RSU1: variants seen among roughly 807,000 people sequenced by gnomAD.
The protein encoded by RSU1 is Ras suppressor protein 1.
Under a neutral mutation model 31.1 loss-of-function variants are expected in RSU1, and 26 were observed. The observed-to-expected ratio is 0.84, with a 90% CI of 0.61 to 1.16. The LOEUF is 1.16. Among genes scored for constraint, RSU1 ranks in the 50% most tolerant of loss-of-function variants. RSU1 has a pLI of 0.00. For missense variants in RSU1, 320 were observed against 339.1 expected, an observed-to-expected ratio of 0.94 and a Z score of 0.44; for synonymous variants, 164 against 136.3, an observed-to-expected ratio of 1.20 and a Z score of -1.41.
chr10:16,759,347 A>C (rs1048152744), intron 4 of RSU1, among the ~76,000 whole-genome samples: 8 of 151,534 alleles, frequency 5.3e-5, no homozygotes, highest in South Asian at 2.1e-4. Flanking sequence ...CAAAAAAAAA[A>C]CCTACAAAAA....
chr10:16,677,386 C>T (rs1479121212), intron 8 of RSU1, among the ~76,000 whole-genome samples: 1 of 152,106 alleles, frequency 6.6e-6, no homozygotes, highest in Non-Finnish European at 1.5e-5. Context: ...ATTCTCTCTC[C>T]TTAGTGTAAT....
chr10:16,662,723 C>T (rs1834910033), intron 8 of RSU1, among the ~76,000 whole-genome samples: 1 of 152,114 alleles, frequency 6.6e-6, no homozygotes, highest in South Asian at 2.1e-4. Flanking sequence ...TTCCAAACTT[C>T]AACTGGTTAG....
At chr10:16,809,203 G>C (rs1838347888) in intron 2 of RSU1, among the ~76,000 whole-genome samples, 1 of 152,162 alleles carries the variant, frequency 6.6e-6, no homozygotes, top group South Asian at 2.1e-4. Context: ...GCTCAATGGG[G>C]ACACTGCAAA....
Position 16,603,567 on chromosome 10 carries a change from G to A in RSU1, c.732-10071C>T, listed in dbSNP as rs114320013. Among the ~76,000 whole-genome samples, 198 of 152,316 alleles carry A rather than the reference G, an allele frequency of 1.3e-3. 2 individuals are homozygous for A. The highest frequency in any genetic ancestry group is 4.6e-3 in the African/African-American group (193 of 41,582). ...AAGGAGCTTTCACAGAATACAGGCAGAGAAAAATCAATAACTGCACCTTGC... is the reference window on the plus strand; with the variant it reads ...AAGGAGCTTTCACAGAATACAGGCAAAGAAAAATCAATAACTGCACCTTGC... On this transcript the variant is annotated intron_variant, in intron 8 of 8. Transcript: ENST00000345264.
At chr10:16,715,791 T>G (rs1047559447) in intron 7 of RSU1, among the ~76,000 whole-genome samples, 1 of 152,232 alleles carries the variant, frequency 6.6e-6, no homozygotes, top group Non-Finnish European at 1.5e-5. Context: ...TGAGGTCTGT[T>G]GCAATTCCAT....
intron 8 of RSU1, among the ~76,000 whole-genome samples, chr10:16,594,000 C>T (rs1021630021): frequency 2.0e-5 from 3 of 152,214 alleles, no homozygotes; most frequent in Non-Finnish European, 4.4e-5. Context: ...TAATAAGTAC[C>T]GCTGATTAAA....
intron 7 of RSU1, among the ~76,000 whole-genome samples, chr10:16,723,415 AATTATACAC>A (rs1375015155): frequency 6.6e-6 from 1 of 152,186 alleles, no homozygotes; most frequent in Non-Finnish European, 1.5e-5. Context: ...GTTGGCACCA[AATTATACAC>A]ATTATACACA....
intron 7 of RSU1, among the ~76,000 whole-genome samples, chr10:16,736,567 A>T (rs901761638): frequency 2.4e-4 from 37 of 152,190 alleles, no homozygotes; most frequent in Non-Finnish European, 4.4e-4. Flanking sequence ...ATAAAAAAAG[A>T]CAAAAAGAAT....
chr10:16,678,361 C>T (rs1000835379), intron 8 of RSU1, among the ~76,000 whole-genome samples: 12 of 152,216 alleles, frequency 7.9e-5, no homozygotes, highest in African/African-American at 2.9e-4. Flanking sequence ...TTTCACAATG[C>T]TTCAGCCAAG....
intron 8 of RSU1, among the ~76,000 whole-genome samples, chr10:16,604,581 G>A (rs892036074): frequency 1.3e-5 from 2 of 152,108 alleles, no homozygotes; most frequent in African/African-American, 4.8e-5. Context: ...CTCCTTAGGG[G>A]CTTCTGTTTC....
intron 7 of RSU1, among the ~76,000 whole-genome samples, chr10:16,718,915 A>G (rs868525130): frequency 1.0e-4 from 15 of 148,616 alleles, no homozygotes; most frequent in Non-Finnish European, 1.6e-4. Context: ...CTGGAGGTGG[A>G]GGTTGAAGTG....
intron 8 of RSU1, among the ~76,000 whole-genome samples, chr10:16,636,471 C>T (rs1432343030): frequency 6.6e-6 from 1 of 152,238 alleles, no homozygotes. Context: ...CTGTGGTTGG[C>T]ACTCTGGGCC....
intron 8 of RSU1, among the ~76,000 whole-genome samples, chr10:16,609,955 T>C (rs1833866532): frequency 1.3e-5 from 2 of 152,220 alleles, no homozygotes; most frequent in African/African-American, 4.8e-5. Flanking sequence ...GCCATGAATG[T>C]AGCTTTAAAT....
chr10:16,601,905 G>T (rs2131458560), intron 8 of RSU1, among the ~76,000 whole-genome samples: 1 of 152,294 alleles, frequency 6.6e-6, no homozygotes, highest in African/African-American at 2.4e-5. Flanking sequence ...ACTGGAAAAG[G>T]GGAGTATTCG....
intron 7 of RSU1, among the ~76,000 whole-genome samples, chr10:16,743,574 G>A (rs995666407): frequency 5.3e-5 from 8 of 152,120 alleles, no homozygotes; most frequent in East Asian, 1.9e-4. Context: ...TTATTCATGC[G>A]AAAGTGGCAC....
At chr10:16,727,210 G>C in intron 7 of RSU1, 1 of 449,810 alleles carries the variant, frequency 2.2e-6, no homozygotes, top group Admixed American at 2.4e-5. Flanking sequence ...GGCGGAAAGA[G>C]TGACGATGTT....
chr10:16,617,989 TAATTA>T, intron 8 of RSU1, among the ~76,000 whole-genome samples: 1 of 152,322 alleles, frequency 6.6e-6, no homozygotes, highest in East Asian at 1.9e-4. Flanking sequence ...AAATGGGATC[TAATTA>T]AACTAAAGAG....
intron 7 of RSU1, chr10:16,723,024 A>G (rs1433687476): frequency 2.0e-5 from 3 of 150,950 alleles, no homozygotes; most frequent in East Asian, 3.9e-4. Context: ...ATACACACAT[A>G]TATGTATATG....
At chr10:16,704,738 C>T (rs191357778) in intron 7 of RSU1, among the ~76,000 whole-genome samples, 2 of 152,268 alleles carry the variant, frequency 1.3e-5, no homozygotes, top group East Asian at 3.9e-4. Context: ...TAGGTGAATA[C>T]ACTTTCTTTT....
Sources: gnomAD v4.1 joint callset for allele counts (sites outside exome capture counted in the v4.1 genomes callset) on GRCh38, gnomAD v4.1.1 for gene constraint, MANE v1.5 for transcripts, NCBI Gene and HGNC (gene_info 2026-07-23, HGNC 2026-07-21) for gene names.